The following KIT variants were observed in gnomAD, a reference collection of about 807,000 sequenced individuals.
KIT encodes KIT proto-oncogene, receptor tyrosine kinase.
Under a neutral mutation model 105.7 loss-of-function variants are expected in KIT, and 16 were observed. That is an observed-to-expected ratio of 0.15 (90% CI 0.10 to 0.23). The LOEUF (loss-of-function observed/expected upper bound fraction) is 0.23. Among genes scored for constraint, KIT ranks in the 10% least tolerant of loss-of-function variants. The pLI is 1.00. For missense variants in KIT, 858 were observed against 1,213.8 expected (o/e 0.71, Z 4.36); for synonymous variants, 438 against 441.1 (o/e 0.99, Z 0.09).
At chr4:54,673,543 T>C (rs1429859055) in intron 1 of KIT, among the ~76,000 whole-genome samples, 1 of 152,236 alleles carries the variant, frequency 6.6e-6, no homozygotes, top group East Asian at 1.9e-4. Context: ...TTAAAAATTC[T>C]GATTTATGCT....
At chr4:54,721,907 G>T (rs1266286959) in intron 7 of KIT, among the ~76,000 whole-genome samples, 1 of 152,174 alleles carries the variant, frequency 6.6e-6, no homozygotes, top group Non-Finnish European at 1.5e-5. Context: ...ATTTAGAGTG[G>T]CAAATACAGT....
At position 54,727,294 on chromosome 4, in the gene KIT, T is replaced by C. The variant is rs750491922; in HGVS notation, c.1617T>C (p.Ile539=). The C allele has an allele frequency of 4.3e-6, 7 of 1,614,186 alleles. No individual in the cohort carries two copies. Among genetic ancestry groups the C allele is most frequent in the Non-Finnish European group, 5.9e-6 (7 of 1,179,996 alleles). ...FVIVAGMMCI[I]VMILTYKYLQ... The stretch of plus-strand genomic sequence containing the variant: ...TCGTAGCTGGCATGATGTGCATTAT[T>C]GTGATGATTCTGACCTACAAATATT... The change falls in exon 10 of 21, where the codon ATT becomes ATC. Residue 539 remains isoleucine, a synonymous_variant. Coordinates refer to ENST00000288135, the MANE Select transcript of KIT (RefSeq NM_000222.3).
chr4:54,719,063 G>A (rs1266750310), intron 7 of KIT, among the ~76,000 whole-genome samples: 3 of 152,120 alleles, frequency 2.0e-5, no homozygotes, highest in Admixed American at 6.5e-5. Context: ...AGCAAACCTC[G>A]AATTTTAAAA....
intron 7 of KIT, among the ~76,000 whole-genome samples, chr4:54,720,969 G>A (rs1173039491): frequency 6.6e-6 from 1 of 152,168 alleles, no homozygotes; most frequent in African/African-American, 2.4e-5. Flanking sequence ...GTCACCATTA[G>A]GCTGTTCCCA....
Position 54,732,133 on chromosome 4 carries a change from A to G in KIT, c.2361+135A>G, listed in dbSNP as rs896383505. 3 of 1,007,320 alleles carry G rather than the reference A, an allele frequency of 3.0e-6. No homozygotes were observed. In the African/African-American group the frequency reaches 4.9e-5, roughly 17 times the overall value. 62.4% of individuals were successfully genotyped at this position (1,007,320 alleles called of 1,614,324 possible). On this transcript the variant is annotated intron_variant, in intron 16 of 20. Coordinates refer to ENST00000288135, the MANE Select transcript of KIT (RefSeq NM_000222.3). The stretch of plus-strand genomic sequence containing the variant: ...AATGTCATTTTGAAGTGTGGTAACC[A>G]AAAGCAGAGGAAATTTAGTTTCTTC...
At chr4:54,683,482 T>TG (rs71662294) in intron 1 of KIT, among the ~76,000 whole-genome samples, 8 of 152,064 alleles carry the variant, frequency 5.3e-5, no homozygotes, top group Non-Finnish European at 8.8e-5. Flanking sequence ...CACCAAAAGG[T>TG]GGGGGGGTGG....
At chr4:54,692,272 T>C (rs1341325105) in intron 1 of KIT, among the ~76,000 whole-genome samples, 1 of 152,224 alleles carries the variant, frequency 6.6e-6, no homozygotes, top group South Asian at 2.1e-4. Flanking sequence ...TATGATAGCA[T>C]GTATTAAAAA....
intron 8 of KIT, among the ~76,000 whole-genome samples, chr4:54,725,320 G>A (rs903311772): frequency 2.0e-5 from 3 of 152,236 alleles, no homozygotes; most frequent in African/African-American, 7.2e-5. Flanking sequence ...GGCCAGTCTG[G>A]TCTTGAACTC....
intron 7 of KIT, among the ~76,000 whole-genome samples, chr4:54,718,522 G>T (rs1387474647): frequency 2.0e-5 from 3 of 152,192 alleles, no homozygotes; most frequent in Non-Finnish European, 4.4e-5. Context: ...ATTGAAAACA[G>T]CCATGCCTAT....
chr4:54,699,559 G>A (rs1205083280), intron 3 of KIT, 71 bp from the exon 4 acceptor site: 2 of 1,543,988 alleles, frequency 1.3e-6, no homozygotes, highest in Non-Finnish European at 1.8e-6. Context: ...CACATTTGAG[G>A]AGAAATGGTA....
Position 54,707,208 on chromosome 4 carries a change from C to A in KIT, c.1036C>A (p.Gln346Lys). ...TGAAGCATTCCCCAAACCTGAACAC[C>A]AGCAGTGGATCTATATGAACAGAAC... is the stretch of plus-strand genomic sequence containing the variant. ...EYEAFPKPEH[Q>K]QWIYMNRTFT... is the part of the protein sequence containing the mutation. The change falls in exon 6 of 21, where the codon CAG (glutamine) becomes AAG (lysine). Residue 346 changes from glutamine to lysine, a missense_variant. Gln to Lys is a moderately conservative substitution (Grantham distance 53). Transcript: ENST00000288135. 1.2e-6 allele frequency: 2 copies of A among 1,610,280 alleles called. No homozygotes were observed. The highest frequency in any genetic ancestry group is 1.7e-6 in the Non-Finnish European group (2 of 1,176,538).
At chr4:54,673,749 A>G (rs980028281) in intron 1 of KIT, among the ~76,000 whole-genome samples, 2 of 152,202 alleles carry the variant, frequency 1.3e-5, no homozygotes, top group African/African-American at 2.4e-5. Context: ...GAGTTTTCCT[A>G]TACTTTTAGG....
At chr4:54,693,762 C>A (rs1042842893) in intron 1 of KIT, among the ~76,000 whole-genome samples, 2 of 152,276 alleles carry the variant, frequency 1.3e-5, no homozygotes, top group African/African-American at 4.8e-5. Context: ...TGACTGGGGG[C>A]CCCAGGGAAT....
At chr4:54,662,612 GC>G (rs1370791814) in intron 1 of KIT, among the ~76,000 whole-genome samples, 1 of 152,056 alleles carries the variant, frequency 6.6e-6, no homozygotes, top group Non-Finnish European at 1.5e-5. Flanking sequence ...TTGCCCTGTT[GC>G]CCAGGCTGGA....
At position 54,740,224 on chromosome 4, in the gene KIT, C is replaced by G. The variant is rs1340213161; in HGVS notation, c.*1667C>G. 1 of 233,438 alleles carries G rather than the reference C, an allele frequency of 4.3e-6. No homozygotes were observed. Among genetic ancestry groups the G allele is most frequent in the East Asian group, 6.0e-5 (1 of 16,572 alleles). The allele number at this position is 233,438 out of a possible 1,614,324, so 14.5% of individuals were successfully genotyped here. The stretch of plus-strand genomic sequence containing the variant: ...TAACCATTTGCACTGGAGTTCTATG[C>G]TCTCGCACCTTTCCAAAGTTAACAG... On this transcript the variant is annotated 3_prime_UTR_variant, in exon 21 of 21. Coordinates refer to ENST00000288135, the MANE Select transcript of KIT (RefSeq NM_000222.3).
chr4:54,708,224 T>G (rs1013545055), intron 6 of KIT, among the ~76,000 whole-genome samples: 1 of 152,124 alleles, frequency 6.6e-6, no homozygotes, highest in Non-Finnish European at 1.5e-5. Context: ...GACTTTGTTT[T>G]GGGGTTTGTT....
At chr4:54,683,173 A>G (rs1719069623) in intron 1 of KIT, among the ~76,000 whole-genome samples, 1 of 152,190 alleles carries the variant, frequency 6.6e-6, no homozygotes, top group Non-Finnish European at 1.5e-5. Flanking sequence ...GCATTTAATT[A>G]CAGATCTTAG....
chr4:54,727,701 A>C, intron 11 of KIT, 122 bp from the exon 12 acceptor site: 1 of 1,273,062 alleles, frequency 7.9e-7, no homozygotes, highest in Non-Finnish European at 1.1e-6. Flanking sequence ...AGAACATCGT[A>C]GGAAAATGTC....
At position 54,737,210 on chromosome 4, in the gene KIT, C is replaced by T. The variant is rs772159767; in HGVS notation, c.2732C>T (p.Pro911Leu). 1.2e-6 allele frequency: 2 copies of T among 1,613,764 alleles called. No homozygotes were observed. The highest frequency in any genetic ancestry group is 1.1e-5 in the South Asian group (1 of 91,068). The change falls in exon 20 of 21, where the codon CCC becomes CTC. Residue 911 changes from proline (P) to leucine (L), a missense_variant. Physicochemically the swap from Pro to Leu is moderately conservative, Grantham distance 98 (BLOSUM62 -3). Coordinates refer to ENST00000288135, the MANE Select transcript of KIT (RefSeq NM_000222.3). ...DIMKTCWDAD[P>L]LKRPTFKQIV... ...ATGAAGACTTGCTGGGATGCAGATC[C>T]CCTAAAAAGACCAACATTCAAGCAA...
Sources: gnomAD v4.1 joint callset for allele counts (sites outside exome capture counted in the v4.1 genomes callset) on GRCh38, gnomAD v4.1.1 for gene constraint, MANE v1.5 for transcripts, NCBI Gene and HGNC (gene_info 2026-07-23, HGNC 2026-07-21) for gene names.